HMGCLL1: variants seen among roughly 807,000 people sequenced by gnomAD.
HMGCLL1 encodes the protein 3-hydroxy-3-methylglutaryl-CoA lyase like 1, also known as 3-hydroxymethyl-3-methylglutaryl-CoA lyase, cytoplasmic.
A neutral mutation model predicts 39.1 loss-of-function variants in HMGCLL1; 36 were observed. That is an observed-to-expected ratio of 0.92 (90% CI 0.71 to 1.22). HMGCLL1 has a LOEUF of 1.22. HMGCLL1 is among the 50% of genes most tolerant of loss of function. The probability of loss-of-function intolerance (pLI) is 0.00; values close to 1 mark genes in which losing one functional copy is unlikely to be tolerated. For synonymous variants in HMGCLL1, 149 were observed against 144.0 expected (o/e 1.03, Z -0.25); for missense variants, 451 against 416.5 (o/e 1.08, Z -0.72).
chr6:55,498,455 C>T (rs1199082419), intron 6 of HMGCLL1, among the ~76,000 whole-genome samples: 2 of 152,030 alleles, frequency 1.3e-5, no homozygotes, highest in African/African-American at 4.8e-5. Context: ...AAAAGAGGAA[C>T]AGCTTTAGCT....
chr6:55,646,367 GT>G, the HMGCLL1 span, among the ~76,000 whole-genome samples: 1 of 150,614 alleles, frequency 6.6e-6, no homozygotes, highest in African/African-American at 2.4e-5. Flanking sequence ...CTTTTATATT[GT>G]TTTCTTAATT....
At chr6:55,531,713 C>G (rs996644901) in intron 3 of HMGCLL1, among the ~76,000 whole-genome samples, 1 of 152,026 alleles carries the variant, frequency 6.6e-6, no homozygotes, top group African/African-American at 2.4e-5. Flanking sequence ...CAGCCACTCC[C>G]CATCACTCAT....
intron 1 of HMGCLL1, among the ~76,000 whole-genome samples, chr6:55,563,256 T>A (rs905121420): frequency 2.6e-5 from 4 of 152,118 alleles, no homozygotes; most frequent in Non-Finnish European, 5.9e-5. Context: ...ATCTAAGAAG[T>A]ATTGGCATGT....
At chr6:55,463,825 T>C (rs1764687158) in intron 7 of HMGCLL1, among the ~76,000 whole-genome samples, 1 of 152,204 alleles carries the variant, frequency 6.6e-6, no homozygotes, top group Non-Finnish European at 1.5e-5. Flanking sequence ...GGATATACTT[T>C]CAGAATAAAA....
intron 1 of HMGCLL1, chr6:55,564,038 G>C: frequency 2.3e-6 from 1 of 443,492 alleles, no homozygotes; most frequent in South Asian, 1.6e-5. Context: ...AAAGCCTCAT[G>C]AAAGTGCATT....
chr6:55,486,670 C>A (rs956046570), intron 7 of HMGCLL1, among the ~76,000 whole-genome samples: 4 of 152,118 alleles, frequency 2.6e-5, no homozygotes, highest in African/African-American at 9.7e-5. Flanking sequence ...CATACACTCA[C>A]AAGCAATTCT....
rs201440045 is a variant in HMGCLL1 at position 55,495,486 on chromosome 6, C to A, written c.728G>T (p.Gly243Val). 1.9e-6 allele frequency: 3 copies of A among 1,613,980 alleles called. No homozygotes were observed. Among genetic ancestry groups the A allele is most frequent in the African/African-American group, 1.3e-5 (1 of 75,028 alleles). ...LESVMKEIPP[G>V]ALAVHCHDTY... Reference sequence around the variant, plus strand: ...GTCATGACAGTGAACAGCAAGAGCACCTGGTGGGATTTCTTTCATCACACT... The same window carrying A: ...GTCATGACAGTGAACAGCAAGAGCAACTGGTGGGATTTCTTTCATCACACT... Residue 243 changes from glycine (G) to valine (V), a missense_variant, in exon 7 of 9, where the codon GGT becomes GTT. Gly to Val is a moderately radical substitution (Grantham distance 109). Coordinates refer to ENST00000274901, the MANE Select transcript of HMGCLL1 (RefSeq NM_001042406.2).
At chr6:55,541,885 A>G in intron 2 of HMGCLL1, 49 bp from the exon 3 acceptor site, 1 of 1,128,454 alleles carries the variant, frequency 8.9e-7, no homozygotes, top group Non-Finnish European at 1.3e-6. Flanking sequence ...GGTCCTATTT[A>G]AGCACAAACA....
the HMGCLL1 span, among the ~76,000 whole-genome samples, chr6:55,601,280 T>A: frequency 1.3e-5 from 2 of 152,168 alleles, no homozygotes; most frequent in East Asian, 3.9e-4. Context: ...TCACTAAAGG[T>A]AAGGGACCAG....
intron 7 of HMGCLL1, among the ~76,000 whole-genome samples, chr6:55,452,742 C>G (rs916917433): frequency 6.6e-6 from 1 of 152,122 alleles, no homozygotes; most frequent in Non-Finnish European, 1.5e-5. Context: ...CTGAGACACC[C>G]CTGTGTCTTC....
intron 3 of HMGCLL1, among the ~76,000 whole-genome samples, chr6:55,535,631 C>T (rs927179092): frequency 2.6e-5 from 4 of 152,240 alleles, no homozygotes; most frequent in East Asian, 1.9e-4. Flanking sequence ...CAACATTCTC[C>T]TCTCCTCTAC....
intron 7 of HMGCLL1, among the ~76,000 whole-genome samples, chr6:55,462,338 C>T (rs765703588): frequency 2.6e-5 from 4 of 152,084 alleles, no homozygotes; most frequent in Non-Finnish European, 4.4e-5. Flanking sequence ...CCTTCCTATG[C>T]TCACCATGTA....
chr6:55,571,287 A>G (rs1771476020), intron 1 of HMGCLL1, among the ~76,000 whole-genome samples: 2 of 152,368 alleles, frequency 1.3e-5, no homozygotes, highest in African/African-American at 2.4e-5. Flanking sequence ...TGAGAATGGT[A>G]ATATGCCTGG....
chr6:55,575,477 C>T (rs1387135168), intron 1 of HMGCLL1, among the ~76,000 whole-genome samples: 1 of 151,954 alleles, frequency 6.6e-6, no homozygotes, highest in African/African-American at 2.4e-5. Flanking sequence ...TAAGGTGTGG[C>T]CATGCTCTTG....
chr6:55,652,404 T>C, the HMGCLL1 span, among the ~76,000 whole-genome samples: 4 of 152,086 alleles, frequency 2.6e-5, no homozygotes, highest in Non-Finnish European at 5.9e-5. Context: ...AATGTCTAGA[T>C]ACTGAAAACT....
At chr6:55,661,312 T>C in the HMGCLL1 span, among the ~76,000 whole-genome samples, 3 of 152,000 alleles carry the variant, frequency 2.0e-5, no homozygotes, top group Admixed American at 1.3e-4. Context: ...CAGAAGTCTG[T>C]TGCCTAGGTT....
chr6:55,636,373 T>C, the HMGCLL1 span, among the ~76,000 whole-genome samples: 1 of 152,064 alleles, frequency 6.6e-6, no homozygotes, highest in Non-Finnish European at 1.5e-5. Flanking sequence ...GAAAAATGAG[T>C]AAAATGTACA....
chr6:55,487,869 C>A (rs1266106755), intron 7 of HMGCLL1, among the ~76,000 whole-genome samples: 1 of 151,956 alleles, frequency 6.6e-6, no homozygotes, highest in African/African-American at 2.4e-5. Context: ...ATACTTCACC[C>A]CAGGTTTGCT....
chr6:55,673,556 A>G, the HMGCLL1 span, among the ~76,000 whole-genome samples: 1 of 152,000 alleles, frequency 6.6e-6, no homozygotes, highest in Non-Finnish European at 1.5e-5. Flanking sequence ...AATAGCAAAC[A>G]CCGTTAACAG....
Sources: allele counts gnomAD v4.1 joint callset (sites outside exome capture counted in the v4.1 genomes callset), GRCh38; gene constraint gnomAD v4.1.1; transcripts MANE v1.5; gene names NCBI Gene and HGNC (gene_info 2026-07-23, HGNC 2026-07-21).